CNTN4: variants seen among roughly 807,000 people sequenced by gnomAD.
The protein encoded by CNTN4 is contactin-4.
Under a neutral mutation model 122.5 loss-of-function variants are expected in CNTN4, and 77 were observed. The ratio of observed to expected loss-of-function variants is 0.63; its 90% confidence interval spans 0.52 to 0.76. The LOEUF (loss-of-function observed/expected upper bound fraction) is 0.76, where lower values mean the gene tolerates loss of function less well. CNTN4 is among the 30% of genes least tolerant of loss of function. The pLI, the probability that CNTN4 is intolerant of heterozygous loss-of-function variation, is 0.00. For synonymous variants in CNTN4, 512 were observed against 447.0 expected (o/e 1.15, Z -1.83); for missense variants, 1,256 against 1,259.1 (o/e 1.00, Z 0.04).
At chr3:2,519,013 T>C (rs2077121037) in intron 3 of CNTN4, among the ~76,000 whole-genome samples, 1 of 152,080 alleles carries the variant, frequency 6.6e-6, no homozygotes, top group African/African-American at 2.4e-5. Flanking sequence ...AAAATATGAG[T>C]TATTTTAACA....
chr3:2,934,029 A>G lies in CNTN4; in HGVS notation c.1358+8250A>G, dbSNP rs1284114274. ...AAGTAACAAACAGAAGCCAAGGGAG[A>G]AGAAAGGTGCAACAAGGAGTAAGCG... On this transcript the variant is annotated intron_variant, in intron 13 of 24. Transcript: ENST00000418658. Among the ~76,000 whole-genome samples the G allele has an allele frequency of 2.6e-5, 4 of 152,118 alleles. No individual in the cohort carries two copies. In the South Asian group the frequency reaches 8.3e-4, roughly 32 times the overall value.
chr3:2,509,816 C>A (rs1473490672), intron 3 of CNTN4, among the ~76,000 whole-genome samples: 1 of 152,086 alleles, frequency 6.6e-6, no homozygotes, highest in Non-Finnish European at 1.5e-5. Flanking sequence ...CTTTCTCTAC[C>A]TTTGGATAGT....
chr3:2,777,976 A>G (rs939765396), intron 6 of CNTN4, among the ~76,000 whole-genome samples: 17 of 152,120 alleles, frequency 1.1e-4, no homozygotes, highest in South Asian at 6.2e-4. Context: ...GCACTTTGGG[A>G]GGCCGAGGTG....
chr3:2,884,288 A>C (rs1307137998), intron 9 of CNTN4, among the ~76,000 whole-genome samples: 1 of 151,864 alleles, frequency 6.6e-6, no homozygotes, highest in Non-Finnish European at 1.5e-5. Context: ...TTTTCTTATG[A>C]TTTTTGTGTT....
intron 2 of CNTN4, among the ~76,000 whole-genome samples, chr3:2,168,341 A>T (rs1020605896): frequency 1.3e-5 from 2 of 152,170 alleles, no homozygotes; most frequent in African/African-American, 2.4e-5. Context: ...TGGAAATTAA[A>T]ATTAAACTTG....
chr3:2,241,247 T>C (rs947451105), intron 2 of CNTN4, among the ~76,000 whole-genome samples: 29 of 152,228 alleles, frequency 1.9e-4, no homozygotes, highest in African/African-American at 7.0e-4. Flanking sequence ...AGAAAAGTTG[T>C]AGATATCATA....
chr3:2,843,621 A>G (rs770480943), intron 7 of CNTN4, among the ~76,000 whole-genome samples: 4 of 152,060 alleles, frequency 2.6e-5, no homozygotes, highest in Non-Finnish European at 5.9e-5. Context: ...AGTTCTCGTG[A>G]AATCTGATTG....
At chr3:2,736,149 G>T (rs565961452) in intron 4 of CNTN4, 66 bp from the exon 5 acceptor site, 2 of 1,477,972 alleles carry the variant, frequency 1.4e-6, no homozygotes, top group African/African-American at 1.4e-5. Context: ...TTATGTTGTT[G>T]TTTCCTGTTG....
At chr3:2,287,733 GAAGAAGAAGAA>G (rs2041986333) in intron 2 of CNTN4, among the ~76,000 whole-genome samples, 1 of 116,994 alleles carries the variant, frequency 8.5e-6, no homozygotes, top group African/African-American at 3.1e-5. Context: ...AGAAGAAGAA[GAAGAAGAAGAA>G]GAAGAAGAAG....
chr3:2,830,528 G>A (rs1173275799), intron 7 of CNTN4, among the ~76,000 whole-genome samples: 1 of 152,212 alleles, frequency 6.6e-6, no homozygotes, highest in East Asian at 1.9e-4. Context: ...GGATGACATT[G>A]TGTTAGAACA....
At chr3:2,687,260 G>A (rs1460527343) in intron 4 of CNTN4, among the ~76,000 whole-genome samples, 2 of 152,268 alleles carry the variant, frequency 1.3e-5, no homozygotes, top group African/African-American at 4.8e-5. Context: ...CCTTCTATAG[G>A]CAGGGCACAT....
chr3:2,488,712 A>G, intron 3 of CNTN4, among the ~76,000 whole-genome samples: 1 of 152,228 alleles, frequency 6.6e-6, no homozygotes, highest in East Asian at 1.9e-4. Flanking sequence ...TCAGTTTCCA[A>G]GGACCTATCA....
At chr3:2,892,853 A>C (rs2094059541) in intron 10 of CNTN4, among the ~76,000 whole-genome samples, 1 of 152,218 alleles carries the variant, frequency 6.6e-6, no homozygotes, top group East Asian at 1.9e-4. Context: ...TGATTTTTAT[A>C]ATTAAGGAAA....
chr3:2,874,313 T>C (rs1395309023), intron 8 of CNTN4, among the ~76,000 whole-genome samples: 4 of 152,218 alleles, frequency 2.6e-5, no homozygotes, highest in Non-Finnish European at 5.9e-5. Flanking sequence ...ACCTACAGTC[T>C]TAGAGAATTC....
intron 2 of CNTN4, among the ~76,000 whole-genome samples, chr3:2,296,789 GA>G (rs34529722): frequency 0.049 from 5,396 of 109,118 alleles, 144 homozygotes; most frequent in Admixed American, 0.066. Context: ...CCTTTGCTCT[GA>G]AAAAAAAAAA....
At chr3:2,517,492 A>G (rs1410408144) in intron 3 of CNTN4, among the ~76,000 whole-genome samples, 2 of 152,162 alleles carry the variant, frequency 1.3e-5, no homozygotes, top group Admixed American at 6.6e-5. Context: ...ATTTTATTAA[A>G]TCACTTCAAC....
intron 13 of CNTN4, among the ~76,000 whole-genome samples, chr3:2,939,941 T>A (rs4685584): frequency 6.6e-6 from 1 of 152,220 alleles, no homozygotes; most frequent in Admixed American, 6.5e-5. Context: ...ATTTACACCA[T>A]GGAAATAGGC....
chr3:2,332,885 A>G lies in CNTN4; in HGVS notation c.-144-6293A>G, dbSNP rs565952372. 1.6e-3 allele frequency among the ~76,000 whole-genome samples: 235 copies of G among 150,892 alleles called. 1 individual carries two copies. The highest frequency in any genetic ancestry group is 5.6e-3 in the African/African-American group (230 of 41,186). On this transcript the variant is annotated intron_variant, in intron 2 of 24. Coordinates refer to ENST00000418658, the MANE Select transcript of CNTN4 (RefSeq NM_175607.3). ...CTAAAACTTAAAGTATAATAATAAA[A>G]TAAAATTAAAAAAAAATAAGACTTT... is the stretch of plus-strand genomic sequence containing the variant.
chr3:2,174,501 G>C (rs534538927), intron 2 of CNTN4, among the ~76,000 whole-genome samples: 1 of 152,070 alleles, frequency 6.6e-6, no homozygotes, highest in African/African-American at 2.4e-5. Flanking sequence ...TTCTCACAGG[G>C]TGTAAAGGAC....
Sources: gnomAD v4.1 joint callset for allele counts (sites outside exome capture counted in the v4.1 genomes callset) on GRCh38, gnomAD v4.1.1 for gene constraint, MANE v1.5 for transcripts, NCBI Gene and HGNC (gene_info 2026-07-23, HGNC 2026-07-21) for gene names.